Variants in WFDC9 observed in about 807,000 individuals in gnomAD.
WFDC9 encodes WAP four-disulfide core domain 9, also known as protein WFDC9.
In WFDC9, 9 loss-of-function variants were observed where a neutral mutation model predicts 9.5. That is an observed-to-expected ratio of 0.95 (90% CI 0.57 to 1.65). The LOEUF (loss-of-function observed/expected upper bound fraction) is 1.65. Among genes scored for constraint, WFDC9 ranks in the 40% most tolerant of loss-of-function variants. The pLI, the probability that WFDC9 is intolerant of heterozygous loss-of-function variation, is 0.00. For synonymous variants in WFDC9, 33 were observed against 32.3 expected, an observed-to-expected ratio of 1.02 and a Z score of -0.07; for missense variants, 87 against 106.7, an observed-to-expected ratio of 0.82 and a Z score of 0.81.
chr20:45,613,144 T>G (rs1981897595), intron 2 of WFDC9, among the ~76,000 whole-genome samples: 1 of 152,230 alleles, frequency 6.6e-6, no homozygotes, highest in Admixed American at 6.5e-5. Context: ...AATGGTCACA[T>G]GTAGTTAGTG....
At chr20:45,608,833 G>C in intron 3 of WFDC9, 23 bp from the exon 4 acceptor site, 1 of 1,597,234 alleles carries the variant, frequency 6.3e-7, no homozygotes, top group South Asian at 1.1e-5. Context: ...AAGTTAGCAG[G>C]GTCCGTCTAT....
chr20:45,612,523 C>T (rs1255251007), intron 2 of WFDC9, among the ~76,000 whole-genome samples: 1 of 152,030 alleles, frequency 6.6e-6, no homozygotes, highest in Non-Finnish European at 1.5e-5. Flanking sequence ...AATAAAATAG[C>T]CTTCAGCTGA....
chr20:45,621,469 G>T (rs2145600035), intron 1 of WFDC9, among the ~76,000 whole-genome samples: 1 of 152,292 alleles, frequency 6.6e-6, no homozygotes, highest in East Asian at 1.9e-4. Flanking sequence ...TGCTTACAAG[G>T]TTGGCTCTTG....
chr20:45,608,131 A>G lies in WFDC9; in HGVS notation c.249T>C (p.Leu83=), dbSNP rs1040248804. ...GNICLDNEEP[L]KSMLNP ...GAATCTAGGGGTTTAGCATTGATTT[A>G]AGGGGCTCTCTAGAAGAGAAAAGTT... Residue 83 remains leucine, a synonymous_variant, in exon 5 of 5, where the codon CTT becomes CTC. Transcript: ENST00000326000. 11 of 1,612,770 alleles carry G rather than the reference A, an allele frequency of 6.8e-6. No homozygotes were observed. The highest frequency in any genetic ancestry group is 3.3e-4 in the Middle Eastern group (2 of 6,052).
At chr20:45,615,791 ATTAC>A (rs549866806) in intron 1 of WFDC9, among the ~76,000 whole-genome samples, 62 of 152,338 alleles carry the variant, frequency 4.1e-4, no homozygotes, top group East Asian at 1.5e-3. Context: ...GAATTTCATT[ATTAC>A]TTATTAAAAT....
intron 1 of WFDC9, among the ~76,000 whole-genome samples, chr20:45,619,713 T>A (rs997179245): frequency 2.6e-5 from 4 of 152,160 alleles, no homozygotes; most frequent in Non-Finnish European, 4.4e-5. Flanking sequence ...GCTTAAAACA[T>A]AAAGATGTAA....
chr20:45,626,074 G>T (rs547813099), intron 1 of WFDC9, among the ~76,000 whole-genome samples: 2 of 151,810 alleles, frequency 1.3e-5, no homozygotes, highest in Non-Finnish European at 2.9e-5. Flanking sequence ...CACCTGCCTC[G>T]GTCTCCCAAA....
intron 4 of WFDC9, 62 bp downstream of exon 4, chr20:45,608,601 G>A (rs780729251): frequency 2.0e-4 from 311 of 1,544,626 alleles, no homozygotes; most frequent in Non-Finnish European, 2.6e-4. Context: ...CTTTTGAATA[G>A]TCGGTAAGGA....
chr20:45,620,988 A>C (rs1160908837), intron 1 of WFDC9, among the ~76,000 whole-genome samples: 2 of 152,162 alleles, frequency 1.3e-5, no homozygotes, highest in African/African-American at 4.8e-5. Context: ...TATAGAAAAC[A>C]ATCTTATGTT....
chr20:45,610,249 G>T lies in WFDC9; in HGVS notation c.-58-10C>A. 1 of 1,353,462 alleles carries T rather than the reference G, an allele frequency of 7.4e-7. No individual in the cohort carries two copies. Among genetic ancestry groups the T allele is most frequent in the Non-Finnish European group, 1.0e-6 (1 of 955,802 alleles). 83.8% of individuals were successfully genotyped at this position (1,353,462 alleles called of 1,614,324 possible). The stretch of plus-strand genomic sequence containing the variant: ...AAGTCTTTTCCCAATACTGCTAGAC[G>T]TAGAAAATGGATTGAGGAGAACAGG... On this transcript the variant is annotated splice_polypyrimidine_tract_variant and intron_variant, in intron 2 of 4. Transcript: ENST00000326000.
chr20:45,614,031 G>C (rs367822358), intron 2 of WFDC9, among the ~76,000 whole-genome samples: 3 of 152,270 alleles, frequency 2.0e-5, no homozygotes, highest in East Asian at 3.9e-4. Context: ...CCATGAGGCT[G>C]TTTCTTTGTA....
chr20:45,625,008 T>C (rs1396559244), intron 1 of WFDC9, among the ~76,000 whole-genome samples: 1 of 152,218 alleles, frequency 6.6e-6, no homozygotes, highest in African/African-American at 2.4e-5. Context: ...AAATGAATAA[T>C]GTATTAGTCT....
In WFDC9 at chr20:45,611,225, C is replaced by G. The variant is rs576657567; in HGVS notation, c.-58-986G>C. ...CGTCCTCCCTCTACTCCCTAGGAGACAGAAACTTGCTTTAGTCCAGAGTGG... is the reference window on the plus strand; with the variant it reads ...CGTCCTCCCTCTACTCCCTAGGAGAGAGAAACTTGCTTTAGTCCAGAGTGG... On this transcript the variant is annotated intron_variant, in intron 2 of 4. Coordinates refer to ENST00000326000, the MANE Select transcript of WFDC9 (RefSeq NM_147198.4). Among the ~76,000 whole-genome samples, 32 of 152,024 alleles carry G rather than the reference C, an allele frequency of 2.1e-4. No individual in the cohort carries two copies. In the East Asian group the frequency reaches 6.0e-3, roughly 29 times the overall value.
In WFDC9 at chr20:45,608,665, G is replaced by A. The variant is rs557112902; in HGVS notation, c.237C>T (p.Asn79=). ...WTYCGNICLD[N]EEPLKSMLNP ...CCTTCCCACCCCAACCAACTCACTC[G>A]TTGTCTAAGCAGATGTTTCCACAGT... Residue 79 remains asparagine, a splice_region_variant and synonymous_variant, in exon 4 of 5, where the codon AAC becomes AAT. Transcript: ENST00000326000. 4.3e-5 allele frequency: 70 copies of A among 1,611,592 alleles called. No individual in the cohort carries two copies. Among genetic ancestry groups the A allele is most frequent in the East Asian group, 2.0e-4 (9 of 44,876 alleles).
chr20:45,627,288 T>C (rs1010947857), intron 1 of WFDC9, among the ~76,000 whole-genome samples: 1 of 152,280 alleles, frequency 6.6e-6, no homozygotes, highest in South Asian at 2.1e-4. Context: ...CTTTATGCTG[T>C]CTTGTTATTG....
chr20:45,608,906 G>T, intron 3 of WFDC9, 96 bp from the exon 4 acceptor site: 1 of 1,331,668 alleles, frequency 7.5e-7, no homozygotes. Flanking sequence ...TGAGCTCCAA[G>T]CCACAAAGTA....
intron 1 of WFDC9, among the ~76,000 whole-genome samples, chr20:45,615,561 C>T (rs986469145): frequency 6.6e-6 from 1 of 152,130 alleles, no homozygotes; most frequent in African/African-American, 2.4e-5. Flanking sequence ...GAGCCAAGTG[C>T]ACTTTTTTGG....
intron 2 of WFDC9, among the ~76,000 whole-genome samples, chr20:45,611,906 T>C (rs1236031705): frequency 1.3e-5 from 2 of 152,096 alleles, no homozygotes; most frequent in Non-Finnish European, 2.9e-5. Context: ...TGCTGATGGG[T>C]ATTTTAAGAG....
chr20:45,613,285 C>A (rs1246334116), intron 2 of WFDC9, among the ~76,000 whole-genome samples: 1 of 152,182 alleles, frequency 6.6e-6, no homozygotes, highest in Non-Finnish European at 1.5e-5. Context: ...GGCGCGGAGC[C>A]TTTCCATCAT....
Sources: gnomAD v4.1 joint callset for allele counts (sites outside exome capture counted in the v4.1 genomes callset) on GRCh38, gnomAD v4.1.1 for gene constraint, MANE v1.5 for transcripts, NCBI Gene and HGNC (gene_info 2026-07-23, HGNC 2026-07-21) for gene names.